Variants in PBX1 observed in about 807,000 individuals in gnomAD.
PBX1 encodes the protein PBX homeobox 1, also known as pre-B-cell leukemia transcription factor 1.
A neutral mutation model predicts 53.4 loss-of-function variants in PBX1; 6 were observed. The observed-to-expected ratio is 0.11, with a 90% confidence interval of 0.06 to 0.22. The LOEUF (loss-of-function observed/expected upper bound fraction) is 0.22. Among genes scored for constraint, PBX1 ranks in the 10% least tolerant of loss-of-function variants. The pLI is 1.00. For missense variants in PBX1, 251 were observed against 551.4 expected (o/e 0.46, Z 5.46); for synonymous variants, 204 against 212.3 (o/e 0.96, Z 0.34).
At chr1:164,880,479 A>G (rs1446207847) in intron 2 of PBX1, among the ~76,000 whole-genome samples, 1 of 152,238 alleles carries the variant, frequency 6.6e-6, no homozygotes, top group African/African-American at 2.4e-5. Context: ...TGGGAAGGTC[A>G]GTCAATGGCT....
At chr1:164,805,404 A>T (rs539719148) in intron 4 of PBX1, among the ~76,000 whole-genome samples, 12 of 152,308 alleles carry the variant, frequency 7.9e-5, no homozygotes, top group African/African-American at 2.9e-4. Flanking sequence ...AGAAGTGATA[A>T]GCGAGTCCAT....
At chr1:164,596,958 T>C (rs1655803410) in intron 2 of PBX1, among the ~76,000 whole-genome samples, 1 of 152,158 alleles carries the variant, frequency 6.6e-6, no homozygotes, top group South Asian at 2.1e-4. Flanking sequence ...AGGTAAGTGG[T>C]ACAGCGTGGA....
Position 164,849,307 on chromosome 1 carries a change from A to G in PBX1, c.*2631A>G, listed in dbSNP as rs1037639972. The G allele has an allele frequency of 9.1e-6, 14 of 1,534,880 alleles. No individual in the cohort carries two copies. The African/African-American group carries it at 1.6e-4, about 18-fold the overall frequency. On this transcript the variant is annotated 3_prime_UTR_variant, in exon 9 of 9. Transcript: ENST00000420696. ...ATCACCTTTCACAGCATTTTCCCCA[A>G]CCAGCATTTCACTTAGTCTTCTCTA...
At chr1:164,762,295 A>G (rs58901414) in intron 2 of PBX1, among the ~76,000 whole-genome samples, 2,260 of 152,290 alleles carry the variant, frequency 0.015, 65 homozygotes, top group African/African-American at 0.052. Flanking sequence ...CCCTAGGTCA[A>G]TACAGGTTGG....
chr1:164,701,976 G>A (rs1296327929), intron 2 of PBX1, among the ~76,000 whole-genome samples: 4 of 152,216 alleles, frequency 2.6e-5, no homozygotes, highest in Non-Finnish European at 5.9e-5. Context: ...CAAAGTGCAT[G>A]AAGGGGACAT....
At chr1:164,842,481 T>C (rs1671350372) in intron 8 of PBX1, among the ~76,000 whole-genome samples, 1 of 152,196 alleles carries the variant, frequency 6.6e-6, no homozygotes, top group East Asian at 1.9e-4. Flanking sequence ...CCAAATATCT[T>C]TGTGTTTTGG....
At chr1:164,794,265 G>A (rs1286982418) in intron 3 of PBX1, among the ~76,000 whole-genome samples, 1 of 152,096 alleles carries the variant, frequency 6.6e-6, no homozygotes, top group African/African-American at 2.4e-5. Context: ...TAGGTAGAAG[G>A]CAAATGCAAA....
intron 6 of PBX1, chr1:164,812,732 A>G (rs1669676952): frequency 6.6e-6 from 1 of 152,180 alleles, no homozygotes; most frequent in Non-Finnish European, 1.5e-5. Context: ...ATCGGTCATG[A>G]GCTATGTAAT....
chr1:164,878,070 T>C (rs75637087), intron 2 of PBX1, among the ~76,000 whole-genome samples: 1,585 of 152,324 alleles, frequency 0.01, 26 homozygotes, highest in African/African-American at 0.036. Flanking sequence ...TTGTTTTATT[T>C]AGAGACATAA....
intron 2 of PBX1, among the ~76,000 whole-genome samples, chr1:164,644,309 C>T (rs1234361963): frequency 6.6e-6 from 1 of 152,156 alleles, no homozygotes; most frequent in African/African-American, 2.4e-5. Context: ...TAGTACATTA[C>T]CTATCTAGTC....
chr1:164,741,295 T>G (rs1665588482), intron 2 of PBX1, among the ~76,000 whole-genome samples: 1 of 152,224 alleles, frequency 6.6e-6, no homozygotes, highest in Non-Finnish European at 1.5e-5. Flanking sequence ...CCAGAAGGAC[T>G]TTTTGGTAAA....
At position 164,848,696 on chromosome 1, in the gene PBX1, T is replaced by C; in HGVS notation, c.*2020T>C. The C allele has an allele frequency of 1.9e-6, 2 of 1,056,060 alleles. No individual in the cohort carries two copies. Among genetic ancestry groups the C allele is most frequent in the Non-Finnish European group, 2.3e-6 (2 of 873,420 alleles). 65.4% of individuals were successfully genotyped at this position (1,056,060 alleles called of 1,614,324 possible). On this transcript the variant is annotated 3_prime_UTR_variant, in exon 9 of 9. Transcript: ENST00000420696. ...CACTTGAACCCAATATGTTGCCTTG[T>C]ACATACTTGGTCCCTGTCACATTGA...
At chr1:164,700,002 G>A (rs1170198579) in intron 2 of PBX1, among the ~76,000 whole-genome samples, 1 of 152,188 alleles carries the variant, frequency 6.6e-6, no homozygotes, top group African/African-American at 2.4e-5. Flanking sequence ...CTGAGAGCCA[G>A]GGTGCTCATG....
At chr1:164,630,340 G>A (rs960141074) in intron 2 of PBX1, among the ~76,000 whole-genome samples, 1 of 152,096 alleles carries the variant, frequency 6.6e-6, no homozygotes, top group African/African-American at 2.4e-5. Context: ...GGGATTTTAG[G>A]AGACAGATAA....
intron 2 of PBX1, among the ~76,000 whole-genome samples, chr1:164,737,026 A>G (rs1485014898): frequency 6.6e-6 from 1 of 152,184 alleles, no homozygotes; most frequent in African/African-American, 2.4e-5. Context: ...TGCCGTTGAC[A>G]GAGACCCAAG....
chr1:164,644,199 C>T (rs919040795), intron 2 of PBX1, among the ~76,000 whole-genome samples: 4 of 152,068 alleles, frequency 2.6e-5, no homozygotes, highest in East Asian at 1.9e-4. Flanking sequence ...AGATGAAAGC[C>T]GTGGGGGATT....
At chr1:164,700,326 T>G in intron 2 of PBX1, 1 of 370,610 alleles carries the variant, frequency 2.7e-6, no homozygotes, top group Non-Finnish European at 3.7e-6. Flanking sequence ...CGTGGCTGTG[T>G]GAGACAGAAT....
intron 2 of PBX1, among the ~76,000 whole-genome samples, chr1:164,609,593 C>T (rs1177112603): frequency 1.3e-5 from 2 of 152,088 alleles, no homozygotes; most frequent in Non-Finnish European, 1.5e-5. Context: ...TCTCTGGATC[C>T]TCTGAGATTC....
At chr1:164,572,198 C>T (rs548935005) in intron 2 of PBX1, among the ~76,000 whole-genome samples, 4 of 151,920 alleles carry the variant, frequency 2.6e-5, no homozygotes, top group South Asian at 2.1e-4. Context: ...TGAGGCACCG[C>T]GCCCAGCCTG....
Sources: allele counts gnomAD v4.1 joint callset (sites outside exome capture counted in the v4.1 genomes callset), GRCh38; gene constraint gnomAD v4.1.1; transcripts MANE v1.5; gene names NCBI Gene and HGNC (gene_info 2026-07-23, HGNC 2026-07-21).